The following TRPM4 variants were observed in gnomAD, a reference collection of about 807,000 sequenced individuals.
The protein encoded by TRPM4 is transient receptor potential cation channel subfamily M member 4, also known as calcium-activated non-selective cation channel 1.
In TRPM4, 124 loss-of-function variants were observed where a neutral mutation model predicts 135.6. The observed-to-expected ratio is 0.91, with a 90% confidence interval of 0.79 to 1.06. The LOEUF is 1.06. TRPM4 is among the 50% of genes least tolerant of loss of function. TRPM4 has a pLI of 0.00. For missense variants in TRPM4, 1,658 were observed against 1,671.4 expected (o/e 0.99, Z 0.14); for synonymous variants, 745 against 705.6 (o/e 1.06, Z -0.88).
At chr19:49,178,255 C>G (rs780703776) in intron 9 of TRPM4, among the ~76,000 whole-genome samples, 6 of 152,036 alleles carry the variant, frequency 3.9e-5, no homozygotes, top group Non-Finnish European at 8.8e-5. Flanking sequence ...CCTGGGAGGT[C>G]TCAAAGCTGA....
At chr19:49,208,471 C>T (rs535823027) in intron 20 of TRPM4, among the ~76,000 whole-genome samples, 1 of 152,194 alleles carries the variant, frequency 6.6e-6, no homozygotes, top group East Asian at 1.9e-4. Flanking sequence ...AAGGAGCCCT[C>T]TGGTGGCCCT....
Position 49,168,583 on chromosome 19 carries a change from G to T in TRPM4, c.643G>T (p.Gly215Cys), listed in dbSNP as rs371319252. 6.2e-7 allele frequency: 1 copy of T among 1,613,762 alleles called. No homozygotes were observed. The highest frequency in any genetic ancestry group is 8.5e-7 in the Non-Finnish European group (1 of 1,180,004). Residue 215 changes from glycine (G) to cysteine (C), a missense_variant, in exon 6 of 25, where the codon GGT (glycine) becomes TGT (cysteine). Around this residue, in one of 3 missense-constraint regions of TRPM4, gnomAD observed 1,412 missense variants for 1,408.7 expected, o/e 1.00. Transcript: ENST00000252826. Reference sequence around the variant, plus strand: ...GTTCCCTGCGAGGTACCGGTGGCGCGGTGACCCGGAGGACGGGGTCCAGTT... The same window carrying T: ...GTTCCCTGCGAGGTACCGGTGGCGCTGTGACCCGGAGGACGGGGTCCAGTT... ...GSFPARYRWRGDPEDGVQFPL... is the reference protein window; with the variant it reads ...GSFPARYRWRCDPEDGVQFPL...
intron 16 of TRPM4, among the ~76,000 whole-genome samples, chr19:49,192,803 C>T (rs1968459696): frequency 1.3e-5 from 2 of 151,918 alleles, no homozygotes; most frequent in African/African-American, 2.4e-5. Context: ...CCTAACAAAC[C>T]TGCACATGTA....
chr19:49,197,299 T>C (rs554406895), intron 17 of TRPM4, among the ~76,000 whole-genome samples: 4 of 121,438 alleles, frequency 3.3e-5, no homozygotes, highest in African/African-American at 1.5e-4. Context: ...TTTCTTTCTC[T>C]TTCTTTCTTT....
chr19:49,164,825 A>T (rs1341099334), intron 2 of TRPM4, among the ~76,000 whole-genome samples: 1 of 150,612 alleles, frequency 6.6e-6, no homozygotes, highest in Non-Finnish European at 1.5e-5. Flanking sequence ...TGCAGCCTTG[A>T]TCTCCCAGGC....
intron 19 of TRPM4, among the ~76,000 whole-genome samples, chr19:49,201,067 A>G (rs1045384032): frequency 1.3e-5 from 2 of 151,006 alleles, no homozygotes; most frequent in African/African-American, 4.9e-5. Context: ...GTAAAGAAAT[A>G]GTACTTGAAC....
intron 10 of TRPM4, 21 bp downstream of exon 10, chr19:49,181,482 G>C: frequency 6.4e-7 from 1 of 1,566,114 alleles, no homozygotes; most frequent in Non-Finnish European, 8.8e-7. Context: ...AGGGCCTGGG[G>C]GTTGGGCATA....
intron 9 of TRPM4, among the ~76,000 whole-genome samples, chr19:49,179,431 A>G (rs1967831090): frequency 6.7e-6 from 1 of 149,548 alleles, no homozygotes. Flanking sequence ...GCTCACTGCA[A>G]CCTCCACCTC....
At position 49,200,388 on chromosome 19, in the gene TRPM4, G is replaced by A. The variant is rs1968869813; in HGVS notation, c.2734G>A (p.Val912Ile). 1 of 1,613,236 alleles carries A rather than the reference G, an allele frequency of 6.2e-7. No homozygotes were observed. The highest frequency in any genetic ancestry group is 8.5e-7 in the Non-Finnish European group (1 of 1,179,684). ...FTVRLLHIFT[V>I]NKQLGPKIVI... ...GGTGCGGCTGCTTCACATCTTCACG[G>A]TCAACAAACAGCTGGGGCCCAAGAT... The change falls in exon 18 of 25, where the codon GTC becomes ATC. Residue 912 changes from valine to isoleucine, a missense_variant. This residue lies in a region of TRPM4 where 1,412 missense variants were observed against 1,408.7 expected (regional missense o/e 1.00). Transcript: ENST00000252826.
intron 9 of TRPM4, among the ~76,000 whole-genome samples, chr19:49,179,734 G>A (rs10410857): frequency 0.34 from 52,097 of 152,070 alleles, 9,305 homozygotes; most frequent in African/African-American, 0.44. Context: ...ATCGTAGAAA[G>A]TCGTGGAAAA....
Position 49,168,076 on chromosome 19 carries a change from G to T in TRPM4, c.427G>T (p.Val143Leu). Residue 143 changes from valine to leucine, a missense_variant, in exon 4 of 25, where the codon GTG becomes TTG. Coordinates refer to ENST00000252826, the MANE Select transcript of TRPM4 (RefSeq NM_017636.4). ...GCAGGACCTGCTGCGTCGTGGGCTGGTGCGGGCTGCCCAGAGCACAGGTGA... is the reference window on the plus strand; with the variant it reads ...GCAGGACCTGCTGCGTCGTGGGCTGTTGCGGGCTGCCCAGAGCACAGGTGA... Reference protein sequence around the residue: ...WLQDLLRRGLVRAAQSTGAWI... With the variant: ...WLQDLLRRGLLRAAQSTGAWI... The T allele has an allele frequency of 1.2e-6, 2 of 1,607,576 alleles. No homozygotes were observed. Among genetic ancestry groups the T allele is most frequent in the Non-Finnish European group, 1.7e-6 (2 of 1,179,026 alleles).
Position 49,197,364 on chromosome 19 carries a change from C to CTCTCTT in TRPM4, c.2645+495_2645+496insTTCTCT, listed in dbSNP as rs1555761743. Among the ~76,000 whole-genome samples the CTCTCTT allele has an allele frequency of 6.4e-3, 468 of 72,684 alleles. 9 individuals are homozygous for CTCTCTT. The highest frequency in any genetic ancestry group is 0.025 in the African/African-American group (441 of 17,634). The allele number at this position is 72,684 out of a possible 152,430, so 47.7% of individuals were successfully genotyped here. ...TCTTTCTTTCTTTCTTTCTTTCTTT[C>CTCTCTT]TCTCTCTTTCTTTTCTTTCTTTCTC... is the stretch of plus-strand genomic sequence containing the variant. On this transcript the variant is annotated intron_variant, in intron 17 of 24. Transcript: ENST00000252826.
At chr19:49,193,080 G>GGTTTTTTTTT (rs544387196) in intron 16 of TRPM4, among the ~76,000 whole-genome samples, 1 of 132,800 alleles carries the variant, frequency 7.5e-6, no homozygotes. Flanking sequence ...AAATCAGTTG[G>GGTTTTTTTTT]TTTTTTTTTT....
chr19:49,182,451 C>CCCATCCATCCATCCATCCATCCAT (rs61258103), intron 10 of TRPM4, 127 bp from the exon 11 acceptor site: 1 of 678,746 alleles, frequency 1.5e-6, no homozygotes, highest in African/African-American at 2.0e-5. Flanking sequence ...CATCCATCCA[C>CCCATCCATCCATCCATCCATCCAT]CCATCCATCC....
At chr19:49,200,567 G>A (rs1352056511) in intron 18 of TRPM4, 44 bp from the exon 19 acceptor site, 1 of 1,606,604 alleles carries the variant, frequency 6.2e-7, no homozygotes, top group Admixed American at 1.7e-5. Context: ...GGTGGGGCCA[G>A]AGTAGGAAAG....
At position 49,189,202 on chromosome 19, in the gene TRPM4, C is replaced by G. The variant is rs371123353; in HGVS notation, c.2019+111C>G. ...CTATGGTCTTGACCAGCCACTCTCC[C>G]TGGAGATCCCCCAGAAAGTCTCTCT... On this transcript the variant is annotated intron_variant, in intron 14 of 24. Transcript: ENST00000252826. The G allele has an allele frequency of 3.4e-6, 5 of 1,471,534 alleles. No homozygotes were observed. The African/African-American group carries it at 5.6e-5, about 16-fold the overall frequency. 91.2% of individuals were successfully genotyped at this position (1,471,534 alleles called of 1,614,324 possible).
chr19:49,208,581 G>T (rs1252074310), intron 20 of TRPM4, among the ~76,000 whole-genome samples: 1 of 151,986 alleles, frequency 6.6e-6, no homozygotes, highest in Non-Finnish European at 1.5e-5. Context: ...CCTAGGTTAT[G>T]ATTGTAAAGC....
chr19:49,198,887 C>G (rs1968803418), intron 17 of TRPM4, among the ~76,000 whole-genome samples: 1 of 152,042 alleles, frequency 6.6e-6, no homozygotes, highest in South Asian at 2.1e-4. Flanking sequence ...GCGTGAGCTA[C>G]TATGCTCAGC....
chr19:49,182,377 CATCCATCCATCCATCT>C, intron 10 of TRPM4, 185 bp from the exon 11 acceptor site: 1 of 625,624 alleles, frequency 1.6e-6, no homozygotes, highest in East Asian at 2.8e-5. Context: ...TCCATCCATC[CATCCATCCATCCATCT>C]GCCCATCCAT....
Sources: gnomAD v4.1 joint callset for allele counts (sites outside exome capture counted in the v4.1 genomes callset) on GRCh38, gnomAD v4.1.1 for gene constraint, gnomAD v4.1.1 regional missense constraint, MANE v1.5 for transcripts, NCBI Gene and HGNC (gene_info 2026-07-23, HGNC 2026-07-21) for gene names.